CYRIB: variants seen among roughly 807,000 people sequenced by gnomAD.
CYRIB encodes CYFIP related Rac1 interactor B.
A neutral mutation model predicts 44.2 loss-of-function variants in CYRIB; 8 were observed. That is an observed-to-expected ratio of 0.18 (90% CI 0.11 to 0.33). CYRIB has a LOEUF of 0.33. Ranked by LOEUF, CYRIB falls within the 10% of genes least tolerant of loss-of-function variation. The pLI is 1.00. For missense variants in CYRIB, 185 were observed against 382.8 expected (o/e 0.48, Z 4.31); for synonymous variants, 131 against 127.2 (o/e 1.03, Z -0.20).
chr8:129,924,598 T>A (rs2086320920), intron 1 of CYRIB, among the ~76,000 whole-genome samples: 1 of 152,192 alleles, frequency 6.6e-6, no homozygotes, highest in African/African-American at 2.4e-5. Context: ...ATAGTTAATG[T>A]CCCTGAACTT....
intron 4 of CYRIB, among the ~76,000 whole-genome samples, chr8:129,865,667 T>C (rs949895979): frequency 2.0e-5 from 3 of 152,232 alleles, no homozygotes; most frequent in Admixed American, 6.5e-5. Context: ...GTCTCCACAG[T>C]AGCATTTTAA....
At chr8:129,961,473 G>T (rs568511873) in intron 2 of CYRIB, among the ~76,000 whole-genome samples, 1 of 152,324 alleles carries the variant, frequency 6.6e-6, no homozygotes, top group East Asian at 1.9e-4. Flanking sequence ...GGGCCATCCA[G>T]CTTCTTGGTT....
intron 10 of CYRIB, 46 bp from the exon 13 acceptor site, chr8:129,846,920 TG>T (rs774975100): frequency 6.9e-6 from 8 of 1,163,994 alleles, no homozygotes; most frequent in South Asian, 5.4e-5. Context: ...ATTTTTTTCA[TG>T]TAACATTCCT....
At chr8:129,907,369 T>G (rs1046879328) in intron 1 of CYRIB, among the ~76,000 whole-genome samples, 9 of 151,928 alleles carry the variant, frequency 5.9e-5, no homozygotes, top group Non-Finnish European at 1.3e-4. Flanking sequence ...CACTGCATGT[T>G]CTCACTCATA....
intron 1 of CYRIB, among the ~76,000 whole-genome samples, chr8:129,921,718 C>A (rs2083706417): frequency 6.6e-6 from 1 of 152,142 alleles, no homozygotes; most frequent in South Asian, 2.1e-4. Flanking sequence ...GGGATGTATT[C>A]AACATTACCC....
At chr8:129,877,787 CCATAA>C (rs1380905737) in intron 3 of CYRIB, among the ~76,000 whole-genome samples, 4 of 151,490 alleles carry the variant, frequency 2.6e-5, no homozygotes, top group East Asian at 1.9e-4. Flanking sequence ...TCCCACTTGA[CCATAA>C]CATAATACTA....
intron 1 of CYRIB, among the ~76,000 whole-genome samples, chr8:129,978,529 G>A (rs1213201435): frequency 6.6e-6 from 1 of 152,190 alleles, no homozygotes; most frequent in Non-Finnish European, 1.5e-5. Flanking sequence ...CAGAACAAAA[G>A]ATGCACCTCA....
intron 1 of CYRIB, among the ~76,000 whole-genome samples, chr8:129,908,905 C>T (rs1169761199): frequency 6.6e-6 from 1 of 152,018 alleles, no homozygotes; most frequent in Non-Finnish European, 1.5e-5. Context: ...AATATTAATA[C>T]TAAATATTAA....
intron 2 of CYRIB, among the ~76,000 whole-genome samples, chr8:129,886,888 C>T (rs1288505466): frequency 6.6e-6 from 1 of 152,162 alleles, no homozygotes; most frequent in Non-Finnish European, 1.5e-5. Flanking sequence ...ACCCAGCCTC[C>T]TCCTACAATC....
chr8:129,872,780 A>G (rs2057794060), intron 3 of CYRIB, among the ~76,000 whole-genome samples: 2 of 152,056 alleles, frequency 1.3e-5, no homozygotes, highest in African/African-American at 4.8e-5. Flanking sequence ...TATTTTAACA[A>G]ACAAGAAGGT....
At chr8:130,017,027 AG>A (rs1226025396), upstream of CYRIB, 1 of 152,368 alleles carries the variant, frequency 6.6e-6, no homozygotes, top group Non-Finnish European at 1.5e-5. Context: ...CCTGGACTTC[AG>A]GAATGGTGAC....
intron 1 of CYRIB, among the ~76,000 whole-genome samples, chr8:129,914,143 G>C (rs997340428): frequency 6.6e-6 from 1 of 152,216 alleles, no homozygotes; most frequent in South Asian, 2.1e-4. Context: ...AAATCCATGA[G>C]ATACTTTTTT....
At chr8:130,012,534 C>G (rs555022875) in intron 1 of CYRIB, among the ~76,000 whole-genome samples, 730 of 35,202 alleles carry the variant, frequency 0.021, 1 homozygote, top group Middle Eastern at 0.024. Context: ...CTGAGCACCT[C>G]TAGGTGCCAT....
At chr8:129,911,367 G>A (rs1042895210) in intron 1 of CYRIB, among the ~76,000 whole-genome samples, 8 of 152,204 alleles carry the variant, frequency 5.3e-5, no homozygotes, top group African/African-American at 1.9e-4. Flanking sequence ...GAAGGGAACA[G>A]AGGGAGAAAA....
intron 1 of CYRIB, among the ~76,000 whole-genome samples, chr8:129,922,070 T>A (rs1264050126): frequency 6.6e-6 from 1 of 152,212 alleles, no homozygotes; most frequent in African/African-American, 2.4e-5. Context: ...AAGAGACCAG[T>A]GGCCACACTG....
At chr8:129,988,969 T>C (rs2096554008) in intron 1 of CYRIB, among the ~76,000 whole-genome samples, 1 of 152,176 alleles carries the variant, frequency 6.6e-6, no homozygotes, top group Non-Finnish European at 1.5e-5. Context: ...CTTCCCATTT[T>C]ACAGAAATGG....
At chr8:129,884,345 A>G (rs1222455602) in intron 2 of CYRIB, among the ~76,000 whole-genome samples, 1 of 152,098 alleles carries the variant, frequency 6.6e-6, no homozygotes, top group East Asian at 1.9e-4. Flanking sequence ...CTGGAGTGCA[A>G]TGGTACAATC....
At chr8:129,940,280 C>A (rs2093586272), upstream of CYRIB, among the ~76,000 whole-genome samples, 1 of 152,174 alleles carries the variant, frequency 6.6e-6, no homozygotes, top group African/African-American at 2.4e-5. Flanking sequence ...AGGCTGCGGG[C>A]GCGCCTCTCC....
Position 129,922,630 on chromosome 8 carries a change from G to A in CYRIB, c.-50+16978C>T, listed in dbSNP as rs182678494. On this transcript the variant is annotated intron_variant, in intron 1 of 11. Coordinates refer to ENST00000519824, the Ensembl canonical transcript of CYRIB. Reference sequence around the variant, plus strand: ...TGTAATCCCAGCACTTTGGGAGGCCGAGGCGGGCGGATCACGAGGTCAGGA... The same window carrying A: ...TGTAATCCCAGCACTTTGGGAGGCCAAGGCGGGCGGATCACGAGGTCAGGA... 5.1e-3 allele frequency among the ~76,000 whole-genome samples: 780 copies of A among 152,036 alleles called. 8 individuals are homozygous for A. Among genetic ancestry groups the A allele is most frequent in the African/African-American group, 0.017 (695 of 41,518 alleles).
Sources: allele counts gnomAD v4.1 joint callset (sites outside exome capture counted in the v4.1 genomes callset), GRCh38; gene constraint gnomAD v4.1.1; transcripts MANE v1.5; gene names NCBI Gene and HGNC (gene_info 2026-07-23, HGNC 2026-07-21).